The following LUZP2 variants were observed in gnomAD, a reference collection of about 807,000 sequenced individuals.
The protein encoded by LUZP2 is leucine zipper protein 2.
LUZP2 carries 52 observed loss-of-function variants against 51.6 expected under a neutral mutation model. The observed-to-expected ratio is 1.01, with a 90% CI of 0.81 to 1.27. The LOEUF (loss-of-function observed/expected upper bound fraction) is 1.27, where lower values mean the gene tolerates loss of function less well. Among genes scored for constraint, LUZP2 ranks in the 50% most tolerant of loss-of-function variants. The pLI is 0.00. For missense variants in LUZP2, 436 were observed against 395.4 expected (o/e 1.10, Z -0.87); for synonymous variants, 154 against 137.3 (o/e 1.12, Z -0.85).
intron 7 of LUZP2, among the ~76,000 whole-genome samples, chr11:24,962,231 G>T (rs1352497823): frequency 6.6e-6 from 1 of 152,110 alleles, no homozygotes; most frequent in South Asian, 2.1e-4. Flanking sequence ...GTGTCTTGGA[G>T]TTGCTCTTCG....
intron 5 of LUZP2, among the ~76,000 whole-genome samples, chr11:24,782,681 C>A (rs12417159): frequency 0.13 from 19,158 of 151,866 alleles, 1,428 homozygotes; most frequent in East Asian, 0.4. Flanking sequence ...CTTGAGGAAC[C>A]CAGTGCCTGT....
chr11:25,041,531 A>C (rs900570339), intron 9 of LUZP2, among the ~76,000 whole-genome samples: 1 of 152,160 alleles, frequency 6.6e-6, no homozygotes, highest in African/African-American at 2.4e-5. Flanking sequence ...TTTTAAGACA[A>C]TTAAATAAAA....
chr11:24,741,867 A>G (rs1257290179), intron 4 of LUZP2, among the ~76,000 whole-genome samples: 2 of 136,038 alleles, frequency 1.5e-5, no homozygotes, highest in Non-Finnish European at 3.1e-5. Flanking sequence ...ATAAATGTAT[A>G]TATATTTATA....
chr11:24,586,153 C>G (rs1853058349), intron 1 of LUZP2, among the ~76,000 whole-genome samples: 1 of 151,996 alleles, frequency 6.6e-6, no homozygotes, highest in African/African-American at 2.4e-5. Context: ...TAAAGCAGTT[C>G]TCTGTACTTT....
At chr11:24,895,000 A>G (rs541506955) in intron 5 of LUZP2, among the ~76,000 whole-genome samples, 218 of 152,296 alleles carry the variant, frequency 1.4e-3, no homozygotes, top group African/African-American at 5.1e-3. Context: ...AAAAATAACC[A>G]ATCTAACTTG....
rs941919752 is a variant in LUZP2 at position 24,729,357 on chromosome 11, G to A, written c.180+71G>A. On this transcript the variant is annotated intron_variant, in intron 2 of 11. Coordinates refer to ENST00000336930, the MANE Select transcript of LUZP2 (RefSeq NM_001009909.4). ...TCTGATTTTCTGAGTGGATTGACAT[G>A]CATTTTTAAATAGTTTTTAATGTGT... is the stretch of plus-strand genomic sequence containing the variant. The A allele has an allele frequency of 1.4e-5, 11 of 762,744 alleles. No individual in the cohort carries two copies. In the African/African-American group the frequency reaches 2.0e-4, roughly 14 times the overall value. 47.2% of individuals were successfully genotyped at this position (762,744 alleles called of 1,614,324 possible).
chr11:24,816,874 C>CT (rs1258335490), intron 5 of LUZP2, among the ~76,000 whole-genome samples: 4 of 151,982 alleles, frequency 2.6e-5, no homozygotes, highest in East Asian at 1.9e-4. Flanking sequence ...ATATTTGAGA[C>CT]TTTTTTTAGT....
At chr11:24,816,726 A>C (rs1850194136) in intron 5 of LUZP2, among the ~76,000 whole-genome samples, 1 of 152,050 alleles carries the variant, frequency 6.6e-6, no homozygotes. Context: ...TACAAACATT[A>C]GTTATTTCAC....
chr11:24,958,684 T>G (rs1437966001), intron 7 of LUZP2, among the ~76,000 whole-genome samples: 4 of 152,160 alleles, frequency 2.6e-5, no homozygotes, highest in Non-Finnish European at 4.4e-5. Context: ...TTGTGAAAAT[T>G]TTCTCCCATT....
intron 5 of LUZP2, chr11:24,786,546 A>T: frequency 2.0e-6 from 1 of 503,096 alleles, no homozygotes; most frequent in Non-Finnish European, 2.5e-6. Flanking sequence ...TATATAATAT[A>T]TAAACAGGTG....
chr11:24,929,052 T>C (rs539798596), intron 7 of LUZP2, among the ~76,000 whole-genome samples: 1 of 152,072 alleles, frequency 6.6e-6, no homozygotes, highest in Admixed American at 6.6e-5. Context: ...GAATGATCTT[T>C]TGTATTTCTG....
At chr11:24,730,338 T>A (rs2133969038) in intron 2 of LUZP2, among the ~76,000 whole-genome samples, 1 of 151,884 alleles carries the variant, frequency 6.6e-6, no homozygotes, top group Non-Finnish European at 1.5e-5. Flanking sequence ...ACAGAGCTGG[T>A]ATTTAAAGTC....
chr11:24,965,763 A>T (rs1855564673), intron 7 of LUZP2, among the ~76,000 whole-genome samples: 1 of 151,866 alleles, frequency 6.6e-6, no homozygotes, highest in African/African-American at 2.4e-5. Context: ...GGCTCATTTA[A>T]AAAATAAATA....
chr11:24,539,136 A>G (rs903917995), intron 1 of LUZP2, among the ~76,000 whole-genome samples: 3 of 151,838 alleles, frequency 2.0e-5, no homozygotes, highest in African/African-American at 4.8e-5. Context: ...AAATTTGCAC[A>G]TATCTGCTTT....
intron 7 of LUZP2, among the ~76,000 whole-genome samples, chr11:24,950,548 G>A (rs1320599782): frequency 6.6e-6 from 1 of 151,624 alleles, no homozygotes; most frequent in South Asian, 2.1e-4. Context: ...CTAACCGTAA[G>A]GATAAGCTAG....
chr11:24,583,937 C>A (rs1278261300), intron 1 of LUZP2, among the ~76,000 whole-genome samples: 2 of 151,384 alleles, frequency 1.3e-5, no homozygotes, highest in Non-Finnish European at 2.9e-5. Context: ...TGGTCTCGAT[C>A]TCCTGACCTT....
chr11:24,583,529 A>G (rs534093811), intron 1 of LUZP2, among the ~76,000 whole-genome samples: 1 of 152,260 alleles, frequency 6.6e-6, no homozygotes, highest in African/African-American at 2.4e-5. Flanking sequence ...ATTCCAAATA[A>G]CCAGACTATT....
intron 10 of LUZP2, among the ~76,000 whole-genome samples, chr11:25,051,410 A>T (rs929192025): frequency 6.6e-6 from 1 of 152,248 alleles, no homozygotes; most frequent in Non-Finnish European, 1.5e-5. Flanking sequence ...AATTTAAAGC[A>T]TAATGTTAAT....
intron 5 of LUZP2, among the ~76,000 whole-genome samples, chr11:24,896,734 T>C (rs575626834): frequency 5.3e-5 from 8 of 152,320 alleles, no homozygotes; most frequent in African/African-American, 1.7e-4. Flanking sequence ...CGGCACGGGA[T>C]CCACTAGGGG....
Sources: gnomAD v4.1 joint callset for allele counts (sites outside exome capture counted in the v4.1 genomes callset) on GRCh38, gnomAD v4.1.1 for gene constraint, MANE v1.5 for transcripts, NCBI Gene and HGNC (gene_info 2026-07-23, HGNC 2026-07-21) for gene names.